ERC2: variants seen among roughly 807,000 people sequenced by gnomAD.
The protein encoded by ERC2 is ELKS/RAB6-interacting/CAST family member 2, also known as ERC protein 2.
A neutral mutation model predicts 114.8 loss-of-function variants in ERC2; 42 were observed. The observed-to-expected ratio is 0.37, with a 90% CI of 0.29 to 0.47. The LOEUF (loss-of-function observed/expected upper bound fraction) is 0.47. ERC2 is among the 20% of genes least tolerant of loss of function. ERC2 has a pLI of 0.99. For synonymous variants in ERC2, 454 were observed against 425.5 expected (o/e 1.07, Z -0.82); for missense variants, 939 against 1,150.7 (o/e 0.82, Z 2.66).
chr3:55,945,606 A>G (rs2067076907), intron 13 of ERC2, among the ~76,000 whole-genome samples: 1 of 152,238 alleles, frequency 6.6e-6, no homozygotes, highest in Non-Finnish European at 1.5e-5. Context: ...AGCTGATTCC[A>G]ACTCTAATTG....
At chr3:56,010,776 A>G (rs1234370014) in intron 8 of ERC2, among the ~76,000 whole-genome samples, 187 bp from the exon 9 acceptor site, 2 of 152,192 alleles carry the variant, frequency 1.3e-5, no homozygotes, top group Non-Finnish European at 2.9e-5. Context: ...ACAACCAATA[A>G]CAGCTTTTGA....
At chr3:56,396,975 A>G (rs1307543949) in intron 2 of ERC2, among the ~76,000 whole-genome samples, 1 of 152,088 alleles carries the variant, frequency 6.6e-6, no homozygotes. Context: ...AAGCCACTGA[A>G]GAGTAATCAG....
chr3:55,664,445 C>G (rs2061271702), intron 17 of ERC2, among the ~76,000 whole-genome samples: 1 of 152,200 alleles, frequency 6.6e-6, no homozygotes, highest in Admixed American at 6.5e-5. Context: ...GCACATTTTT[C>G]AACCTGGGCA....
chr3:56,455,994 C>G (rs2063044648), intron 1 of ERC2, among the ~76,000 whole-genome samples: 1 of 152,204 alleles, frequency 6.6e-6, no homozygotes, highest in Admixed American at 6.5e-5. Context: ...ACCACCACTC[C>G]CTCCTGACCT....
intron 4 of ERC2, among the ~76,000 whole-genome samples, chr3:56,159,633 T>C (rs943490078): frequency 6.6e-6 from 1 of 152,314 alleles, no homozygotes; most frequent in Non-Finnish European, 1.5e-5. Context: ...TAGTACTCAA[T>C]AGTTATTCAA....
chr3:55,541,867 G>GT, intron 17 of ERC2, among the ~76,000 whole-genome samples: 1 of 152,188 alleles, frequency 6.6e-6, no homozygotes, highest in South Asian at 2.1e-4. Flanking sequence ...CCAAGTCAAT[G>GT]TTTTTTGAAC....
intron 17 of ERC2, among the ~76,000 whole-genome samples, chr3:55,547,643 C>T (rs762247794): frequency 2.2e-4 from 33 of 152,144 alleles, no homozygotes; most frequent in Non-Finnish European, 4.4e-4. Flanking sequence ...CCCAGGAAGT[C>T]TCAGAGACCA....
intron 15 of ERC2, among the ~76,000 whole-genome samples, chr3:55,729,061 G>A (rs2065089638): frequency 6.6e-6 from 1 of 152,186 alleles, no homozygotes; most frequent in African/African-American, 2.4e-5. Flanking sequence ...CCATAGTAGT[G>A]ATGAGGGGAG....
intron 13 of ERC2, among the ~76,000 whole-genome samples, chr3:55,931,663 G>C (rs2066098997): frequency 6.6e-6 from 1 of 152,026 alleles, no homozygotes; most frequent in Non-Finnish European, 1.5e-5. Flanking sequence ...ATGATGGGTT[G>C]ATGGGTGCAG....
At chr3:55,724,604 T>C (rs982261063) in intron 15 of ERC2, among the ~76,000 whole-genome samples, 4 of 152,188 alleles carry the variant, frequency 2.6e-5, no homozygotes, top group African/African-American at 7.2e-5. Context: ...TGAGATAATA[T>C]ATTTAAAATC....
chr3:56,188,872 T>C (rs950828488), intron 3 of ERC2, among the ~76,000 whole-genome samples: 1 of 152,168 alleles, frequency 6.6e-6, no homozygotes, highest in African/African-American at 2.4e-5. Flanking sequence ...TAAGCCAAAA[T>C]CTGCTGTCCG....
At chr3:55,826,039 AAGGG>A (rs2149168702) in intron 14 of ERC2, among the ~76,000 whole-genome samples, 1 of 150,368 alleles carries the variant, frequency 6.7e-6, no homozygotes, top group South Asian at 2.2e-4. Context: ...GAGAGGAAGG[AAGGG>A]AGGAAGGGAG....
At chr3:55,788,429 G>C (rs973527792) in intron 14 of ERC2, among the ~76,000 whole-genome samples, 1 of 152,280 alleles carries the variant, frequency 6.6e-6, no homozygotes, top group Non-Finnish European at 1.5e-5. Context: ...GCTACAATGG[G>C]AGGACAACAG....
At chr3:56,049,451 A>C (rs1447127905) in intron 7 of ERC2, among the ~76,000 whole-genome samples, 1 of 152,206 alleles carries the variant, frequency 6.6e-6, no homozygotes, top group Non-Finnish European at 1.5e-5. Context: ...TGTCAACTTG[A>C]TTGGACTGAA....
At chr3:56,317,208 A>T (rs1013483484) in intron 2 of ERC2, among the ~76,000 whole-genome samples, 2 of 152,210 alleles carry the variant, frequency 1.3e-5, no homozygotes, top group African/African-American at 4.8e-5. Context: ...TCTGCAGAGG[A>T]TGTGAACCTT....
chr3:56,305,784 C>T (rs981411611), intron 2 of ERC2, among the ~76,000 whole-genome samples: 1 of 152,214 alleles, frequency 6.6e-6, no homozygotes, highest in Non-Finnish European at 1.5e-5. Context: ...TGGCCTTTTG[C>T]CTGCTTTTGT....
chr3:55,545,035 A>G (rs972674500), intron 17 of ERC2, among the ~76,000 whole-genome samples: 1 of 152,126 alleles, frequency 6.6e-6, no homozygotes, highest in East Asian at 1.9e-4. Context: ...ACTGAACTGC[A>G]CCTTCATCTG....
chr3:55,686,010 A>T (rs1388726195), intron 16 of ERC2, among the ~76,000 whole-genome samples: 2 of 152,236 alleles, frequency 1.3e-5, no homozygotes, highest in African/African-American at 4.8e-5. Flanking sequence ...TAACAGTGGA[A>T]TGTGGTCTAA....
chr3:55,913,136 C>T (rs765627313), intron 13 of ERC2, among the ~76,000 whole-genome samples: 3 of 152,120 alleles, frequency 2.0e-5, no homozygotes, highest in Non-Finnish European at 4.4e-5. Flanking sequence ...TGGGTGCATG[C>T]CACCACACCT....
Sources: gnomAD v4.1 joint callset for allele counts (sites outside exome capture counted in the v4.1 genomes callset) on GRCh38, gnomAD v4.1.1 for gene constraint, MANE v1.5 for transcripts, NCBI Gene and HGNC (gene_info 2026-07-23, HGNC 2026-07-21) for gene names.